Variants in CMTM8 observed in about 807,000 individuals in gnomAD.
CMTM8 encodes the protein CKLF like MARVEL transmembrane domain containing 8, also known as CKLF-like MARVEL transmembrane domain-containing protein 8.
A neutral mutation model predicts 18.6 loss-of-function variants in CMTM8; 12 were observed. The observed-to-expected ratio is 0.65, with a 90% confidence interval of 0.41 to 1.05. The LOEUF is 1.05. Ranked by LOEUF, CMTM8 falls within the 50% of genes least tolerant of loss-of-function variation. The pLI is 0.00. For synonymous variants in CMTM8, 87 were observed against 90.6 expected, an observed-to-expected ratio of 0.96 and a Z score of 0.23; for missense variants, 217 against 227.2, an observed-to-expected ratio of 0.95 and a Z score of 0.29.
At chr3:32,283,568 G>A (rs897861123) in intron 1 of CMTM8, among the ~76,000 whole-genome samples, 2 of 152,206 alleles carry the variant, frequency 1.3e-5, no homozygotes, top group Non-Finnish European at 2.9e-5. Context: ...CCCGGGACAC[G>A]TCTAGGCATT....
chr3:32,344,381 A>G (rs1488536003), intron 1 of CMTM8, among the ~76,000 whole-genome samples: 1 of 152,218 alleles, frequency 6.6e-6, no homozygotes, highest in Non-Finnish European at 1.5e-5. Flanking sequence ...AAAGTCAAAA[A>G]TAAATCAGCC....
At chr3:32,330,598 G>A (rs1349677715) in intron 1 of CMTM8, among the ~76,000 whole-genome samples, 2 of 152,160 alleles carry the variant, frequency 1.3e-5, no homozygotes, top group Non-Finnish European at 2.9e-5. Flanking sequence ...AGAGAGCCCA[G>A]TAATATACGC....
At chr3:32,272,856 G>A (rs1395137542) in intron 1 of CMTM8, among the ~76,000 whole-genome samples, 1 of 152,112 alleles carries the variant, frequency 6.6e-6, no homozygotes, top group Non-Finnish European at 1.5e-5. Flanking sequence ...CTTTACATGG[G>A]TGGTTTCCTG....
At chr3:32,295,350 G>A (rs1702854179) in intron 1 of CMTM8, among the ~76,000 whole-genome samples, 1 of 150,826 alleles carries the variant, frequency 6.6e-6, no homozygotes, top group Admixed American at 6.6e-5. Context: ...CAGCTACTCG[G>A]GAGGCTGAGA....
At chr3:32,319,375 A>G (rs1696000688) in intron 1 of CMTM8, among the ~76,000 whole-genome samples, 1 of 151,628 alleles carries the variant, frequency 6.6e-6, no homozygotes, top group Non-Finnish European at 1.5e-5. Context: ...CACCACATCT[A>G]GCCTTAAAAT....
In CMTM8 at chr3:32,361,286, G is replaced by GTTTGTTTTTTTTTTTTTTTTT. The variant is rs140270969; in HGVS notation, c.321+3743_321+3744insGTTTTTTTTTTTTTTTTTTTT. ...GTGAGCCACGGCGCCCAGCCTAAGA[G>GTTTGTTTTTTTTTTTTTTTTT]TTTTTTTTTCTTTCAAATTTTGGAA... On this transcript the variant is annotated intron_variant, in intron 2 of 3. Coordinates refer to ENST00000307526, the MANE Select transcript of CMTM8 (RefSeq NM_178868.5). Among the ~76,000 whole-genome samples the GTTTGTTTTTTTTTTTTTTTTT allele has an allele frequency of 1.0e-3, 90 of 87,204 alleles. 6 individuals carry two copies. The highest frequency in any genetic ancestry group is 1.4e-3 in the South Asian group (3 of 2,194). 57.2% of individuals were successfully genotyped at this position (87,204 alleles called of 152,430 possible). A position where few individuals can be genotyped will look rare whatever the true frequency, so the allele number is the denominator to read the frequency against.
chr3:32,360,676 G>T (rs1696906482), intron 2 of CMTM8, among the ~76,000 whole-genome samples: 1 of 152,228 alleles, frequency 6.6e-6, no homozygotes, highest in African/African-American at 2.4e-5. Flanking sequence ...CTGGGACTTT[G>T]TGCTGAGGCA....
intron 1 of CMTM8, among the ~76,000 whole-genome samples, chr3:32,313,198 A>G (rs1010681018): frequency 2.6e-5 from 4 of 152,080 alleles, no homozygotes; most frequent in Non-Finnish European, 4.4e-5. Context: ...AGCCTAAAAC[A>G]GCCTGAAAAC....
intron 1 of CMTM8, among the ~76,000 whole-genome samples, chr3:32,288,751 T>C (rs533362013): frequency 5.3e-5 from 8 of 152,304 alleles, no homozygotes; most frequent in Admixed American, 2.6e-4. Flanking sequence ...ATGCCCGCCT[T>C]GGCCTCCCAA....
At chr3:32,249,473 G>A (rs1222065327) in intron 1 of CMTM8, among the ~76,000 whole-genome samples, 1 of 151,288 alleles carries the variant, frequency 6.6e-6, no homozygotes, top group Non-Finnish European at 1.5e-5. Flanking sequence ...CTGCTAGACT[G>A]TTTCCAAAGG....
chr3:32,265,410 A>G (rs965202619), intron 1 of CMTM8, among the ~76,000 whole-genome samples: 6 of 152,230 alleles, frequency 3.9e-5, no homozygotes, highest in African/African-American at 1.4e-4. Flanking sequence ...ACCAACAAGA[A>G]CAAAGAGACA....
intron 1 of CMTM8, among the ~76,000 whole-genome samples, chr3:32,318,076 A>T (rs1015819643): frequency 2.0e-5 from 3 of 150,256 alleles, no homozygotes; most frequent in African/African-American, 5.0e-5. Flanking sequence ...AAAAAAAAAA[A>T]AAGAATGCGT....
chr3:32,318,249 A>AC (rs146909560), intron 1 of CMTM8, among the ~76,000 whole-genome samples: 7,370 of 151,974 alleles, frequency 0.048, 608 homozygotes, highest in African/African-American at 0.17. Flanking sequence ...GGCAAGGAAG[A>AC]CCCCAAAGGG....
Position 32,298,496 on chromosome 3 carries a change from A to G in CMTM8, c.148-58877A>G, listed in dbSNP as rs1225392307. The stretch of plus-strand genomic sequence containing the variant: ...TTTCATTCTCTTTAAAAAATTTCAG[A>G]ATGAGCACTCTTGGTCTCTTTCCAG... On this transcript the variant is annotated intron_variant, in intron 1 of 3. Coordinates refer to ENST00000307526, the MANE Select transcript of CMTM8 (RefSeq NM_178868.5). 4.0e-5 allele frequency among the ~76,000 whole-genome samples: 6 copies of G among 150,132 alleles called. No homozygotes were observed. In the East Asian group the frequency reaches 1.2e-3, roughly 29 times the overall value.
intron 1 of CMTM8, among the ~76,000 whole-genome samples, chr3:32,262,295 A>C (rs1436922399): frequency 6.6e-6 from 1 of 152,204 alleles, no homozygotes; most frequent in Non-Finnish European, 1.5e-5. Context: ...CATCCAAAGC[A>C]TGTCCTTTGG....
At chr3:32,361,451 T>C (rs1696930213) in intron 2 of CMTM8, among the ~76,000 whole-genome samples, 1 of 152,170 alleles carries the variant, frequency 6.6e-6, no homozygotes, top group South Asian at 2.1e-4. Context: ...GAAGACCACA[T>C]TGCTACCATG....
At chr3:32,266,074 A>G (rs1365323305) in intron 1 of CMTM8, among the ~76,000 whole-genome samples, 3 of 152,212 alleles carry the variant, frequency 2.0e-5, no homozygotes, top group Non-Finnish European at 4.4e-5. Context: ...AATCAATAGA[A>G]AAAGAGGGAA....
chr3:32,288,027 A>G (rs960032263), intron 1 of CMTM8, among the ~76,000 whole-genome samples: 5 of 152,228 alleles, frequency 3.3e-5, no homozygotes, highest in Non-Finnish European at 2.9e-5. Context: ...TTTATTTGAC[A>G]TGTTTTATTA....
chr3:32,310,717 G>A (rs1303368864), intron 1 of CMTM8, among the ~76,000 whole-genome samples: 2 of 149,102 alleles, frequency 1.3e-5, no homozygotes, highest in Admixed American at 6.7e-5. Context: ...AAATAAACTA[G>A]GAAATACTCT....
Sources: allele counts gnomAD v4.1 joint callset (sites outside exome capture counted in the v4.1 genomes callset), GRCh38; gene constraint gnomAD v4.1.1; transcripts MANE v1.5; gene names NCBI Gene and HGNC (gene_info 2026-07-23, HGNC 2026-07-21).